Variants in EXOC5 observed in about 807,000 individuals in gnomAD.
The protein encoded by EXOC5 is exocyst complex component 5, also known as SEC10-like 1.
Under a neutral mutation model 90.8 loss-of-function variants are expected in EXOC5, and 17 were observed. The ratio of observed to expected loss-of-function variants is 0.19; its 90% CI spans 0.13 to 0.28. The LOEUF (loss-of-function observed/expected upper bound fraction) is 0.28. Ranked by LOEUF, EXOC5 falls within the 10% of genes least tolerant of loss-of-function variation. The probability of loss-of-function intolerance (pLI) is 1.00; values close to 1 mark genes in which losing one functional copy is unlikely to be tolerated. For missense variants in EXOC5, 569 were observed against 830.6 expected, an observed-to-expected ratio of 0.69 and a Z score of 3.87; for synonymous variants, 260 against 270.0, an observed-to-expected ratio of 0.96 and a Z score of 0.36.
At chr14:57,220,756 T>C (rs1217455876) in intron 13 of EXOC5, among the ~76,000 whole-genome samples, 3 of 152,092 alleles carry the variant, frequency 2.0e-5, no homozygotes, top group Admixed American at 1.3e-4. Flanking sequence ...GCCATGACTA[T>C]GCCACTGCAC....
rs1429227837 is a variant in EXOC5, at chr14:57,208,471, T to C, written c.*138A>G. 5.3e-6 allele frequency: 3 copies of C among 566,402 alleles called. No individual in the cohort carries two copies. Among genetic ancestry groups the C allele is most frequent in the Non-Finnish European group, 9.3e-6 (3 of 323,258 alleles). The allele number at this position is 566,402 out of a possible 1,614,324, so 35.1% of individuals were successfully genotyped here. On this transcript the variant is annotated 3_prime_UTR_variant, in exon 18 of 18. Coordinates refer to ENST00000621441, the MANE Select transcript of EXOC5 (RefSeq NM_006544.4). ...CCTCAAAGGTAAGTATGGCTGCTGT[T>C]TTGTTCCAGTCATTGTTTCACAAAA...
chr14:57,261,292 A>G (rs1212122391), intron 1 of EXOC5, among the ~76,000 whole-genome samples: 2 of 152,218 alleles, frequency 1.3e-5, no homozygotes, highest in African/African-American at 4.8e-5. Context: ...GGGCACACAC[A>G]CACCTCAACT....
intron 5 of EXOC5, among the ~76,000 whole-genome samples, chr14:57,237,846 A>C (rs1187032320): frequency 3.9e-5 from 6 of 152,132 alleles, no homozygotes; most frequent in Non-Finnish European, 8.8e-5. Context: ...AAAGATGATC[A>C]AATAATATAT....
At chr14:57,231,902 T>C (rs1395890152) in intron 10 of EXOC5, 187 bp from the exon 11 acceptor site, 5 of 492,148 alleles carry the variant, frequency 1.0e-5, no homozygotes, top group African/African-American at 5.9e-5. Flanking sequence ...CAGTGAAATA[T>C]TACGAACAAC....
At chr14:57,217,498 A>G (rs2139615956) in intron 15 of EXOC5, among the ~76,000 whole-genome samples, 1 of 152,210 alleles carries the variant, frequency 6.6e-6, no homozygotes, top group Non-Finnish European at 1.5e-5. Flanking sequence ...CTTTGATGTT[A>G]CTATTTTAAT....
In EXOC5 at chr14:57,233,977, TG is replaced by T; in HGVS notation, c.714+10del. The T allele has an allele frequency of 6.2e-7, 1 of 1,600,386 alleles. No individual in the cohort carries two copies. Among genetic ancestry groups the T allele is most frequent in the Non-Finnish European group, 8.6e-7 (1 of 1,167,768 alleles). Reference sequence around the variant, plus strand: ...TAAAATAATATCCAACAAAGTGTACTGTTATGTTACCTCCTGGCACTGCTTT... The same window carrying T: ...TAAAATAATATCCAACAAAGTGTACTTTATGTTACCTCCTGGCACTGCTTT... On this transcript the variant is annotated intron_variant, in intron 8 of 17. Coordinates refer to ENST00000621441, the MANE Select transcript of EXOC5 (RefSeq NM_006544.4).
chr14:57,237,224 C>G (rs1883689641), intron 6 of EXOC5, 114 bp downstream of exon 6: 3 of 683,624 alleles, frequency 4.4e-6, no homozygotes, highest in Non-Finnish European at 8.0e-6. Flanking sequence ...ATGCAGTAGC[C>G]TACTAGGGTA....
intron 1 of EXOC5, 156 bp downstream of exon 1, chr14:57,268,464 CCG>C: frequency 6.7e-7 from 1 of 1,496,202 alleles, no homozygotes; most frequent in Non-Finnish European, 8.9e-7. Flanking sequence ...CACGCTCCGC[CCG>C]CGCTGACACG....
At chr14:57,262,564 G>A (rs189690603) in intron 1 of EXOC5, among the ~76,000 whole-genome samples, 28,971 of 134,148 alleles carry the variant, frequency 0.22, 6,648 homozygotes, top group African/African-American at 0.59. Context: ...GTGTGTGTGT[G>A]TATATATATA....
At chr14:57,261,549 A>C (rs559512170) in intron 1 of EXOC5, among the ~76,000 whole-genome samples, 65 of 152,374 alleles carry the variant, frequency 4.3e-4, no homozygotes, top group African/African-American at 1.5e-3. Flanking sequence ...GGTGCAGGTA[A>C]GAAATTGATC....
Position 57,239,649 on chromosome 14 carries a change from G to C in EXOC5, c.476C>G (p.Ala159Gly). The C allele has an allele frequency of 6.5e-7, 1 of 1,529,568 alleles. No homozygotes were observed. The highest frequency in any genetic ancestry group is 8.8e-7 in the Non-Finnish European group (1 of 1,136,146). 94.7% of individuals were successfully genotyped at this position (1,529,568 alleles called of 1,614,324 possible). A position where few individuals can be genotyped will look rare whatever the true frequency, so the allele number is the denominator to read the frequency against. Residue 159 changes from alanine (A) to glycine (G), a missense_variant, in exon 5 of 18, where the codon GCA becomes GGA. Around this residue, in one of 9 missense-constraint regions of EXOC5, gnomAD observed 97 missense variants for 177.9 expected, o/e 0.55. Transcript: ENST00000621441. ...GTGCAACTTCTGAATGATGTCTGCTGCTTCCTTTATCTATGAAAAAATAAA... is the reference window on the plus strand; with the variant it reads ...GTGCAACTTCTGAATGATGTCTGCTCCTTCCTTTATCTATGAAAAAATAAA... ...VFTNSEKIKE[A>G]ADIIQKLHLI... is the part of the protein sequence containing the mutation.
intron 4 of EXOC5, among the ~76,000 whole-genome samples, chr14:57,241,964 T>G (rs933779735): frequency 6.6e-6 from 1 of 151,678 alleles, no homozygotes; most frequent in African/African-American, 2.4e-5. Context: ...AAACCCCATC[T>G]CTACTAAAAA....
At chr14:57,233,629 C>T (rs576373486) in intron 9 of EXOC5, 114 bp downstream of exon 9, 2 of 641,298 alleles carry the variant, frequency 3.1e-6, no homozygotes, top group South Asian at 2.4e-5. Flanking sequence ...AACTAGATTA[C>T]TATTTCTAAG....
rs1465457901 is a variant in EXOC5, at chr14:57,206,148, G to A, written c.*2461C>T. ...ACCTAAATACTGCATATTAGCTCAT[G>A]CGGTATTGTGTAATACTGCAAAGAC... On this transcript the variant is annotated 3_prime_UTR_variant, in exon 18 of 18. Transcript: ENST00000621441. 14 of 370,796 alleles carry A rather than the reference G, an allele frequency of 3.8e-5. 2 individuals carry two copies. The highest frequency in any genetic ancestry group is 2.7e-4 in the South Asian group (13 of 48,728). The allele number at this position is 370,796 out of a possible 1,614,324, so 23.0% of individuals were successfully genotyped here.
chr14:57,222,738 CATAT>C (rs200409962), intron 12 of EXOC5, among the ~76,000 whole-genome samples: 1 of 147,502 alleles, frequency 6.8e-6, no homozygotes, highest in Non-Finnish European at 1.5e-5. Flanking sequence ...TATACACACA[CATAT>C]ATATATACAC....
At chr14:57,216,235 A>G (rs761878945) in intron 15 of EXOC5, among the ~76,000 whole-genome samples, 4 of 151,928 alleles carry the variant, frequency 2.6e-5, no homozygotes, top group South Asian at 2.1e-4. Context: ...AAGCAATTCA[A>G]TGCATTCCCA....
chr14:57,214,963 C>T (rs1299548762), intron 15 of EXOC5, among the ~76,000 whole-genome samples: 1 of 152,140 alleles, frequency 6.6e-6, no homozygotes, highest in Non-Finnish European at 1.5e-5. Flanking sequence ...GGCGCAGTGA[C>T]TCATACCTGT....
intron 6 of EXOC5, among the ~76,000 whole-genome samples, chr14:57,237,019 T>C (rs891159706): frequency 1.5e-4 from 23 of 152,076 alleles, no homozygotes; most frequent in Middle Eastern, 3.2e-3. Flanking sequence ...TTATATAGTA[T>C]GGTAGCAATT....
In EXOC5 at chr14:57,268,891, G is replaced by T; in HGVS notation, c.-243C>A. The T allele has an allele frequency of 2.8e-6, 3 of 1,059,128 alleles. No individual in the cohort carries two copies. Among genetic ancestry groups the T allele is most frequent in the East Asian group, 3.0e-5 (1 of 33,532 alleles). The allele number at this position is 1,059,128 out of a possible 1,614,324, so 65.6% of individuals were successfully genotyped here. ...TGCTCCCATTGTCACCGCCTCATACGCCGGAAGTGGAACTGCGCGCGCCAG... is the reference window on the plus strand; with the variant it reads ...TGCTCCCATTGTCACCGCCTCATACTCCGGAAGTGGAACTGCGCGCGCCAG... On this transcript the variant is annotated 5_prime_UTR_variant, in exon 1 of 18. Transcript: ENST00000621441.
Sources: allele counts gnomAD v4.1 joint callset (sites outside exome capture counted in the v4.1 genomes callset), GRCh38; gene constraint gnomAD v4.1.1; regional missense constraint gnomAD v4.1.1; transcripts MANE v1.5; gene names NCBI Gene and HGNC (gene_info 2026-07-23, HGNC 2026-07-21).